HEMK2: variants seen among roughly 807,000 people sequenced by gnomAD.
HEMK2 encodes HemK methyltransferase 2, ETF1 glutamine and histone H4 lysine.
the HEMK2 span, among the ~76,000 whole-genome samples, chr21:28,682,630 T>A: frequency 6.6e-6 from 1 of 152,162 alleles, no homozygotes; most frequent in Non-Finnish European, 1.5e-5. Context: ...CTATTCACAA[T>A]AGCAACGACT....
chr21:28,654,742 A>C, the HEMK2 span, among the ~76,000 whole-genome samples: 1 of 152,134 alleles, frequency 6.6e-6, no homozygotes, highest in Non-Finnish European at 1.5e-5. Flanking sequence ...TAAAGCACCC[A>C]ATTTTAGAAA....
the HEMK2 span, among the ~76,000 whole-genome samples, chr21:28,833,078 A>C: frequency 3.3e-5 from 5 of 152,240 alleles, no homozygotes; most frequent in African/African-American, 4.8e-5. Context: ...TCATAAAATT[A>C]GTCAAGACTT....
chr21:28,599,729 C>G, the HEMK2 span, among the ~76,000 whole-genome samples: 1,613 of 152,272 alleles, frequency 0.011, 17 homozygotes, highest in Non-Finnish European at 0.017. Context: ...AAGGCACACC[C>G]CTTCCACCTA....
At chr21:28,587,499 T>A in the HEMK2 span, among the ~76,000 whole-genome samples, 19,906 of 152,222 alleles carry the variant, frequency 0.13, 1,424 homozygotes, top group South Asian at 0.19. Context: ...CACTCAGTAG[T>A]AGGCAACCTA....
the HEMK2 span, among the ~76,000 whole-genome samples, chr21:28,653,978 C>T: frequency 2.0e-5 from 3 of 152,124 alleles, no homozygotes; most frequent in South Asian, 2.1e-4. Flanking sequence ...CAACTTCAAA[C>T]GCTAACCTAT....
chr21:28,857,190 C>T, the HEMK2 span, among the ~76,000 whole-genome samples: 2 of 151,900 alleles, frequency 1.3e-5, no homozygotes, highest in African/African-American at 4.8e-5. Flanking sequence ...GGAGATTAAA[C>T]TTTTTAGCAA....
At chr21:28,616,152 G>T in the HEMK2 span, among the ~76,000 whole-genome samples, 172 of 152,238 alleles carry the variant, frequency 1.1e-3, no homozygotes, top group Non-Finnish European at 1.9e-3. Context: ...AAATTGTCTA[G>T]ACATAATTTC....
the HEMK2 span, among the ~76,000 whole-genome samples, chr21:28,623,390 T>C: frequency 6.6e-6 from 1 of 151,908 alleles, no homozygotes; most frequent in Non-Finnish European, 1.5e-5. Context: ...TTGGTGGGAG[T>C]ACAAATTAGT....
the HEMK2 span, among the ~76,000 whole-genome samples, chr21:28,732,858 C>T: frequency 6.6e-6 from 1 of 152,174 alleles, no homozygotes; most frequent in South Asian, 2.1e-4. Flanking sequence ...CTTTCAAAAT[C>T]CTCTGTCTGC....
the HEMK2 span, among the ~76,000 whole-genome samples, chr21:28,788,797 G>A: frequency 6.6e-6 from 1 of 152,068 alleles, no homozygotes; most frequent in Admixed American, 6.6e-5. Context: ...TTTGGAAATA[G>A]GGTCCTTGCA....
At chr21:28,683,858 A>T in the HEMK2 span, among the ~76,000 whole-genome samples, 5 of 152,240 alleles carry the variant, frequency 3.3e-5, no homozygotes, top group African/African-American at 1.2e-4. Context: ...GACAGCCCCT[A>T]AAAGCTAACT....
At chr21:28,803,383 TAGTC>T in the HEMK2 span, among the ~76,000 whole-genome samples, 1 of 152,036 alleles carries the variant, frequency 6.6e-6, no homozygotes, top group African/African-American at 2.4e-5. Context: ...TTTGTATACA[TAGTC>T]AGTTTTTTGA....
At chr21:28,797,203 A>T in the HEMK2 span, among the ~76,000 whole-genome samples, 1 of 152,162 alleles carries the variant, frequency 6.6e-6, no homozygotes, top group Non-Finnish European at 1.5e-5. Context: ...AGTCATCCCC[A>T]CTGTTGAATG....
chr21:28,713,664 C>G, the HEMK2 span, among the ~76,000 whole-genome samples: 1 of 152,184 alleles, frequency 6.6e-6, no homozygotes, highest in Admixed American at 6.6e-5. Context: ...GGGAACCAAA[C>G]CAGGTCTCCC....
the HEMK2 span, among the ~76,000 whole-genome samples, chr21:28,596,938 T>G: frequency 1.1e-3 from 167 of 152,326 alleles, no homozygotes; most frequent in Admixed American, 3.7e-3. Flanking sequence ...ATATACACAT[T>G]ATTTTTTAAA....
the HEMK2 span, among the ~76,000 whole-genome samples, chr21:28,680,394 T>C: frequency 0.31 from 46,946 of 151,954 alleles, 7,952 homozygotes; most frequent in East Asian, 0.46. Flanking sequence ...GGCTCTGAAA[T>C]TGAGGCAATA....
At chr21:28,850,336 T>G in the HEMK2 span, among the ~76,000 whole-genome samples, 2 of 148,202 alleles carry the variant, frequency 1.3e-5, no homozygotes, top group Admixed American at 1.4e-4. Flanking sequence ...GCCATTCTCC[T>G]GCCTCAGCCT....
chr21:28,876,551 A>G, the HEMK2 span: 1 of 1,027,846 alleles, frequency 9.7e-7, no homozygotes, highest in Non-Finnish European at 1.4e-6. Flanking sequence ...CATGATCAAT[A>G]AGCAATTTAA....
At chr21:28,791,500 A>G in the HEMK2 span, among the ~76,000 whole-genome samples, 1,192 of 152,318 alleles carry the variant, frequency 7.8e-3, 17 homozygotes, top group African/African-American at 0.027. Context: ...GGGCTAAGGT[A>G]AGCTGAGTGT....
Sources: gnomAD v4.1 joint callset for allele counts (sites outside exome capture counted in the v4.1 genomes callset) on GRCh38, gnomAD v4.1.1 for gene constraint, MANE v1.5 for transcripts, NCBI Gene and HGNC (gene_info 2026-07-23, HGNC 2026-07-21) for gene names.